TMEM245: variants seen among roughly 807,000 people sequenced by gnomAD.
The protein encoded by TMEM245 is transmembrane protein 245, also known as protein CG-2.
In TMEM245, 69 loss-of-function variants were observed where a neutral mutation model predicts 101.2. That is an observed-to-expected ratio of 0.68 (90% CI 0.56 to 0.83). The LOEUF (loss-of-function observed/expected upper bound fraction) is 0.83, where lower values mean the gene tolerates loss of function less well. Ranked by LOEUF, TMEM245 falls within the 40% of genes least tolerant of loss-of-function variation. TMEM245 has a pLI of 0.00. For missense variants in TMEM245, 1,075 were observed against 1,092.8 expected (o/e 0.98, Z 0.23); for synonymous variants, 537 against 449.8 (o/e 1.19, Z -2.45).
chr9:109,107,474 T>A (rs1830459989), intron 2 of TMEM245, among the ~76,000 whole-genome samples: 1 of 150,872 alleles, frequency 6.6e-6, no homozygotes, highest in South Asian at 2.1e-4. Flanking sequence ...TGAGTCCACC[T>A]AGAACCTCAT....
chr9:109,103,938 A>G (rs1436215139), intron 3 of TMEM245, among the ~76,000 whole-genome samples: 1 of 152,018 alleles, frequency 6.6e-6, no homozygotes, highest in Admixed American at 6.6e-5. Context: ...TACAAATATT[A>G]GCCAGGCATG....
chr9:109,068,583 G>A (rs548270530), intron 9 of TMEM245, among the ~76,000 whole-genome samples: 3 of 152,142 alleles, frequency 2.0e-5, no homozygotes, highest in South Asian at 4.2e-4. Context: ...AGGTTGCACT[G>A]AGCCAAGATC....
chr9:109,052,636 T>C (rs866579729), intron 12 of TMEM245, among the ~76,000 whole-genome samples: 62 of 152,318 alleles, frequency 4.1e-4, no homozygotes, highest in African/African-American at 1.4e-3. Context: ...TTACATAAAA[T>C]CTTGAAAATG....
chr9:109,093,086 GAAGA>G (rs1467660354), intron 4 of TMEM245, among the ~76,000 whole-genome samples: 1 of 152,138 alleles, frequency 6.6e-6, no homozygotes, highest in African/African-American at 2.4e-5. Context: ...GACAGTTGTA[GAAGA>G]AAGAAATGGA....
intron 17 of TMEM245, among the ~76,000 whole-genome samples, chr9:109,026,484 G>A (rs933702637): frequency 6.6e-6 from 1 of 151,766 alleles, no homozygotes; most frequent in South Asian, 2.1e-4. Flanking sequence ...AGAAAGCAGC[G>A]TGCACAAAGG....
chr9:109,063,649 C>CA (rs1227381719), intron 10 of TMEM245, among the ~76,000 whole-genome samples: 4 of 152,078 alleles, frequency 2.6e-5, no homozygotes, highest in African/African-American at 9.7e-5. Flanking sequence ...ATCCCAAATC[C>CA]ATATGGTGGA....
chr9:109,112,748 T>G (rs962454014), intron 1 of TMEM245, among the ~76,000 whole-genome samples: 1 of 152,088 alleles, frequency 6.6e-6, no homozygotes, highest in African/African-American at 2.4e-5. Flanking sequence ...AAGCAGTTAA[T>G]AGTAACATCT....
rs539680820 is a variant in TMEM245 at position 109,086,696 on chromosome 9, TA to T, written c.1320+476del. On this transcript the variant is annotated intron_variant, in intron 6 of 17. Transcript: ENST00000374586. ...CCATGCTCTTTAACCACTAAGGCTC[TA>T]AATCTAACCGCCATCTCTGAATTTT... is the stretch of plus-strand genomic sequence containing the variant. 4.6e-3 allele frequency among the ~76,000 whole-genome samples: 703 copies of T among 152,348 alleles called. 5 individuals carry two copies. The highest frequency in any genetic ancestry group is 0.016 in the African/African-American group (678 of 41,570).
chr9:109,113,760 T>C lies in TMEM245; in HGVS notation c.580-5190A>G, dbSNP rs971567305. Among the ~76,000 whole-genome samples, 13 of 152,330 alleles carry C rather than the reference T, an allele frequency of 8.5e-5. No individual in the cohort carries two copies. In the East Asian group the frequency reaches 2.5e-3, roughly 29 times the overall value. On this transcript the variant is annotated intron_variant, in intron 1 of 17. Coordinates refer to ENST00000374586, the MANE Select transcript of TMEM245 (RefSeq NM_032012.4). Reference sequence around the variant, plus strand: ...CAACTTGGTTGCTTCTGTTACATATTTTTGCAGAACAGTTTCCCAAGCTTT... The same window carrying C: ...CAACTTGGTTGCTTCTGTTACATATCTTTGCAGAACAGTTTCCCAAGCTTT...
At chr9:109,085,321 C>T (rs1272947347) in intron 7 of TMEM245, among the ~76,000 whole-genome samples, 4 of 152,140 alleles carry the variant, frequency 2.6e-5, no homozygotes, top group Admixed American at 2.0e-4. Context: ...GACTATATGT[C>T]GAGGTACAAC....
rs1019471090 is a variant in TMEM245, at chr9:109,119,825, C to A, written c.89G>T (p.Ser30Ile). The A allele has an allele frequency of 2.2e-6, 3 of 1,387,000 alleles. No homozygotes were observed. The highest frequency in any genetic ancestry group is 3.0e-5 in the African/African-American group (2 of 65,964). The allele number at this position is 1,387,000 out of a possible 1,614,324, so 85.9% of individuals were successfully genotyped here. A position where few individuals can be genotyped will look rare whatever the true frequency, so the allele number is the denominator to read the frequency against. Reference sequence around the variant, plus strand: ...CCGCGGGGTCTCCCCGCCACCGCCACTCGGCCCGACCGCGCGCGGGACCCG... The same window carrying A: ...CCGCGGGGTCTCCCCGCCACCGCCAATCGGCCCGACCGCGCGCGGGACCCG... The part of the protein sequence containing the change: ...APRVPRAVGP[S>I]GGGGETPRTA... The change falls in exon 1 of 18, where the codon AGT becomes ATT. Residue 30 changes from serine to isoleucine, a missense_variant. Physicochemically the swap from Ser to Ile is moderately radical, Grantham distance 142 (BLOSUM62 -2). Around this residue, in one of 2 missense-constraint regions of TMEM245, gnomAD observed 808 missense variants for 741.5 expected, o/e 1.09. Transcript: ENST00000374586.
intron 3 of TMEM245, among the ~76,000 whole-genome samples, chr9:109,106,054 G>A (rs979269703): frequency 3.3e-5 from 5 of 152,108 alleles, no homozygotes; most frequent in Non-Finnish European, 5.9e-5. Context: ...TTACAGACGT[G>A]AGCCACTGCG....
intron 8 of TMEM245, among the ~76,000 whole-genome samples, chr9:109,079,953 A>G (rs1235335873): frequency 6.6e-6 from 1 of 152,144 alleles, no homozygotes; most frequent in Non-Finnish European, 1.5e-5. Flanking sequence ...AAACAGAAGT[A>G]CTAGAAGAGA....
chr9:109,025,675 T>C (rs965958914), intron 17 of TMEM245, among the ~76,000 whole-genome samples: 2 of 152,218 alleles, frequency 1.3e-5, no homozygotes, highest in Non-Finnish European at 2.9e-5. Flanking sequence ...GAAAGAAGTC[T>C]ATCAAAGCAA....
rs111731622 is a variant in TMEM245, at chr9:109,060,754, C to A, written c.1624-302G>T. Among the ~76,000 whole-genome samples, 552 of 152,262 alleles carry A rather than the reference C, an allele frequency of 3.6e-3. 5 individuals are homozygous for A. The highest frequency in any genetic ancestry group is 0.013 in the African/African-American group (530 of 41,532). On this transcript the variant is annotated intron_variant, in intron 10 of 17. Coordinates refer to ENST00000374586, the MANE Select transcript of TMEM245 (RefSeq NM_032012.4). Reference sequence around the variant, plus strand: ...GCTGACTTATCTGATCTTACCTGTCCAGAGAAAAATCTTTCCCCTGTAATC... The same window carrying A: ...GCTGACTTATCTGATCTTACCTGTCAAGAGAAAAATCTTTCCCCTGTAATC...
At chr9:109,108,989 A>C (rs370348470) in intron 1 of TMEM245, among the ~76,000 whole-genome samples, 1 of 152,214 alleles carries the variant, frequency 6.6e-6, no homozygotes, top group Non-Finnish European at 1.5e-5. Flanking sequence ...CTTTCCAAAA[A>C]GAATCAGGTT....
intron 3 of TMEM245, among the ~76,000 whole-genome samples, chr9:109,096,606 C>T (rs1483423709): frequency 6.6e-6 from 1 of 152,138 alleles, no homozygotes; most frequent in Non-Finnish European, 1.5e-5. Flanking sequence ...ATCTCTTAGG[C>T]CCCACTCAAG....
chr9:109,050,734 GAA>G, intron 12 of TMEM245, 42 bp from the exon 13 acceptor site: 3 of 1,606,858 alleles, frequency 1.9e-6, no homozygotes, highest in Non-Finnish European at 2.5e-6. Flanking sequence ...CAATCCTCAT[GAA>G]AAAAGTTTCT....
rs1827578314 is a variant in TMEM245 at position 109,020,257 on chromosome 9, C to T, written c.*203G>A. Reference sequence around the variant, plus strand: ...AAGTGAGCAAACCACCAACTCTGAACTCTCAAGCTGTGTTTTAAAATACAA... The same window carrying T: ...AAGTGAGCAAACCACCAACTCTGAATTCTCAAGCTGTGTTTTAAAATACAA... On this transcript the variant is annotated 3_prime_UTR_variant, in exon 18 of 18. Coordinates refer to ENST00000374586, the MANE Select transcript of TMEM245 (RefSeq NM_032012.4). 1 of 635,616 alleles carries T rather than the reference C, an allele frequency of 1.6e-6. No homozygotes were observed. Among genetic ancestry groups the T allele is most frequent in the South Asian group, 1.7e-5 (1 of 57,972 alleles). The allele number at this position is 635,616 out of a possible 1,614,324, so 39.4% of individuals were successfully genotyped here. A position where few individuals can be genotyped will look rare whatever the true frequency, so the allele number is the denominator to read the frequency against.
Sources: gnomAD v4.1 joint callset for allele counts (sites outside exome capture counted in the v4.1 genomes callset) on GRCh38, gnomAD v4.1.1 for gene constraint, gnomAD v4.1.1 regional missense constraint, MANE v1.5 for transcripts, NCBI Gene and HGNC (gene_info 2026-07-23, HGNC 2026-07-21) for gene names.